UACA: variants seen among roughly 807,000 people sequenced by gnomAD.
The protein encoded by UACA is uveal autoantigen with coiled-coil domains and ankyrin repeats, also known as nuclear membrane binding protein.
UACA carries 112 observed loss-of-function variants against 160.5 expected under a neutral mutation model. That is an observed-to-expected ratio of 0.70 (90% CI 0.60 to 0.82). The LOEUF is 0.82. Ranked by LOEUF, UACA falls within the 40% of genes least tolerant of loss-of-function variation. UACA has a pLI of 0.00. For synonymous variants in UACA, 557 were observed against 568.4 expected, an observed-to-expected ratio of 0.98 and a Z score of 0.29; for missense variants, 1,574 against 1,614.6, an observed-to-expected ratio of 0.97 and a Z score of 0.43.
At chr15:70,729,216 A>C (rs966324415) in intron 1 of UACA, among the ~76,000 whole-genome samples, 3 of 152,214 alleles carry the variant, frequency 2.0e-5, no homozygotes, top group Non-Finnish European at 4.4e-5. Flanking sequence ...AAATCATTCC[A>C]CCCAAAAGAC....
At chr15:70,681,356 C>T (rs1897496557) in intron 9 of UACA, among the ~76,000 whole-genome samples, 3 of 151,738 alleles carry the variant, frequency 2.0e-5, no homozygotes, top group African/African-American at 7.3e-5. Flanking sequence ...ACAGAGATTA[C>T]ATGTGCCTTA....
chr15:70,773,084 A>G, the UACA span, among the ~76,000 whole-genome samples: 1 of 151,124 alleles, frequency 6.6e-6, no homozygotes, highest in East Asian at 1.9e-4. Context: ...AATCAAACAG[A>G]AAAAAAAAGG....
chr15:70,675,490 C>T (rs1897278385), intron 13 of UACA, among the ~76,000 whole-genome samples: 1 of 152,172 alleles, frequency 6.6e-6, no homozygotes, highest in South Asian at 2.1e-4. Context: ...TAAAACACTT[C>T]CAGGACACCA....
chr15:70,774,951 G>A, the UACA span, among the ~76,000 whole-genome samples: 14 of 152,056 alleles, frequency 9.2e-5, no homozygotes, highest in Admixed American at 7.2e-4. Context: ...GCTACTGGTC[G>A]GGGGAGGCCA....
Position 70,655,785 on chromosome 15 carries a change from T to A in UACA, c.*1271A>T, listed in dbSNP as rs1473000486. On this transcript the variant is annotated 3_prime_UTR_variant, in exon 19 of 19. Coordinates refer to ENST00000322954, the MANE Select transcript of UACA (RefSeq NM_018003.4). ...TACCCTATTAAACAAAAATGGGATT[T>A]AAAAATCTGGTTCGGGATGTTCAAA... is the stretch of plus-strand genomic sequence containing the variant. 2 of 152,216 alleles carry A rather than the reference T, an allele frequency of 1.3e-5. No homozygotes were observed. The highest frequency in any genetic ancestry group is 2.9e-5 in the Non-Finnish European group (2 of 68,042). The allele number at this position is 152,216 out of a possible 1,614,324, so 9.4% of individuals were successfully genotyped here.
chr15:70,723,748 T>C (rs1244485035), intron 1 of UACA, among the ~76,000 whole-genome samples: 1 of 151,720 alleles, frequency 6.6e-6, no homozygotes, highest in Admixed American at 6.6e-5. Context: ...TTCTCCTGCC[T>C]CAGCCTCCCG....
intron 1 of UACA, among the ~76,000 whole-genome samples, chr15:70,718,565 C>T (rs1898897186): frequency 6.6e-6 from 1 of 152,110 alleles, no homozygotes; most frequent in South Asian, 2.1e-4. Flanking sequence ...CCTGTTCCTT[C>T]AGCCTTGGTT....
In UACA at chr15:70,669,194, T is replaced by C. The variant is rs1897050531; in HGVS notation, c.1490A>G (p.Asp497Gly). The C allele has an allele frequency of 1.2e-6, 2 of 1,613,944 alleles. No homozygotes were observed. The highest frequency in any genetic ancestry group is 2.2e-5 in the South Asian group (2 of 91,088). The change falls in exon 16 of 19, where the codon GAT (aspartate) becomes GGT (glycine). Residue 497 changes from aspartate (D) to glycine (G), a missense_variant. Physicochemically the swap from Asp to Gly is moderately conservative, Grantham distance 94. Coordinates refer to ENST00000322954, the MANE Select transcript of UACA (RefSeq NM_018003.4). Reference protein sequence around the residue: ...DSDEQIKQLEDALKDVQKRMY... With the variant: ...DSDEQIKQLEGALKDVQKRMY... ...CCTCTTCTGCACATCTTTTAATGCATCTTCTAATTGCTTTATCTGTTCATC... is the reference window on the plus strand; with the variant it reads ...CCTCTTCTGCACATCTTTTAATGCACCTTCTAATTGCTTTATCTGTTCATC...
chr15:70,674,390 T>C (rs989076773), intron 13 of UACA, among the ~76,000 whole-genome samples: 1 of 152,178 alleles, frequency 6.6e-6, no homozygotes, highest in African/African-American at 2.4e-5. Context: ...ACACAAATTA[T>C]GTACAAATGT....
the UACA span, among the ~76,000 whole-genome samples, chr15:70,776,863 T>C: frequency 6.6e-6 from 1 of 152,066 alleles, no homozygotes; most frequent in African/African-American, 2.4e-5. Flanking sequence ...TTATATATAG[T>C]GTATCAAAAA....
At chr15:70,755,966 C>T (rs1298975044) in intron 1 of UACA, among the ~76,000 whole-genome samples, 1 of 152,162 alleles carries the variant, frequency 6.6e-6, no homozygotes, top group Non-Finnish European at 1.5e-5. Context: ...TGGGCTCACT[C>T]TACACTCTAT....
rs1036311444 is a variant in UACA, at chr15:70,687,468, C to A, written c.602+72G>T. 4.2e-6 allele frequency: 6 copies of A among 1,412,926 alleles called. No homozygotes were observed. In the African/African-American group the frequency reaches 7.0e-5, roughly 17 times the overall value. 87.5% of individuals were successfully genotyped at this position (1,412,926 alleles called of 1,614,324 possible). ...AGAAAGGCCAAGTCAGAGAACAGAG[C>A]TGCTGCTTTGACTTGGCCTTTCCAT... is the stretch of plus-strand genomic sequence containing the variant. On this transcript the variant is annotated intron_variant, in intron 7 of 18. Transcript: ENST00000322954.
chr15:70,695,241 C>A, intron 2 of UACA, 136 bp from the exon 3 acceptor site: 1 of 513,986 alleles, frequency 1.9e-6, no homozygotes, highest in Non-Finnish European at 3.3e-6. Flanking sequence ...CATTAGAACA[C>A]CTACATATTT....
chr15:70,735,222 C>G (rs1837308449), intron 1 of UACA, among the ~76,000 whole-genome samples: 1 of 144,458 alleles, frequency 6.9e-6, no homozygotes, highest in African/African-American at 2.5e-5. Context: ...GGGGGAAGGG[C>G]TGAAAAACTG....
chr15:70,658,042 T>C (rs1896547139), intron 18 of UACA, among the ~76,000 whole-genome samples: 1 of 152,186 alleles, frequency 6.6e-6, no homozygotes. Flanking sequence ...GAGCTATGAT[T>C]GTGCCACAGC....
At chr15:70,774,237 C>T in the UACA span, among the ~76,000 whole-genome samples, 2 of 152,150 alleles carry the variant, frequency 1.3e-5, no homozygotes, top group South Asian at 4.1e-4. Flanking sequence ...AGCTTCCAAA[C>T]GCTAAGTTAT....
Position 70,695,056 on chromosome 15 carries a change from G to T in UACA, c.262C>A (p.Leu88Ile), listed in dbSNP as rs1898079302. The part of the protein sequence containing the change: ...KGNLECLNAI[L>I]IHGVDITTSD... ...GTTGTAATATCAACTCCATGTATAA[G>T]GATGGCATTCAAACACTCAAGATTC... Residue 88 changes from leucine to isoleucine, a missense_variant, in exon 3 of 19, where the codon CTT (leucine) becomes ATT (isoleucine). Transcript: ENST00000322954. The T allele has an allele frequency of 5.6e-6, 9 of 1,610,742 alleles. No homozygotes were observed. Among genetic ancestry groups the T allele is most frequent in the Non-Finnish European group, 6.8e-6 (8 of 1,178,212 alleles).
chr15:70,680,924 T>C (rs1897479695), intron 9 of UACA, among the ~76,000 whole-genome samples: 1 of 152,206 alleles, frequency 6.6e-6, no homozygotes, highest in African/African-American at 2.4e-5. Context: ...AAGGTCCTTC[T>C]TAATCTAGCC....
intron 2 of UACA, among the ~76,000 whole-genome samples, chr15:70,695,550 T>C (rs1898099443): frequency 1.3e-5 from 2 of 152,340 alleles, no homozygotes; most frequent in East Asian, 1.9e-4. Flanking sequence ...CTTTTCTCTT[T>C]AGAATTATCA....
Sources: allele counts gnomAD v4.1 joint callset (sites outside exome capture counted in the v4.1 genomes callset), GRCh38; gene constraint gnomAD v4.1.1; transcripts MANE v1.5; gene names NCBI Gene and HGNC (gene_info 2026-07-23, HGNC 2026-07-21).